The following PTPRZ1 variants were observed in gnomAD, a reference collection of about 807,000 sequenced individuals.
PTPRZ1 encodes the protein protein tyrosine phosphatase receptor type Z1.
A neutral mutation model predicts 214.1 loss-of-function variants in PTPRZ1; 82 were observed. The observed-to-expected ratio is 0.38, with a 90% CI of 0.32 to 0.46. The LOEUF is 0.46. PTPRZ1 is among the 20% of genes least tolerant of loss of function. PTPRZ1 has a pLI of 1.00. For synonymous variants in PTPRZ1, 945 were observed against 987.9 expected, an observed-to-expected ratio of 0.96 and a Z score of 0.81; for missense variants, 2,603 against 2,748.7, an observed-to-expected ratio of 0.95 and a Z score of 1.19.
chr7:122,013,241 A>G lies in PTPRZ1; in HGVS notation c.4195A>G (p.Thr1399Ala). 6.2e-7 allele frequency: 1 copy of G among 1,614,104 alleles called. No individual in the cohort carries two copies. Among genetic ancestry groups the G allele is most frequent in the Non-Finnish European group, 8.5e-7 (1 of 1,180,006 alleles). Residue 1399 changes from threonine (T) to alanine (A), a missense_variant, in exon 12 of 30, where the codon ACT (threonine) becomes GCT (alanine). Coordinates refer to ENST00000393386, the MANE Select transcript of PTPRZ1 (RefSeq NM_002851.3). ...STKLLFPSKA[T>A]SELSHSAKSD... is the part of the protein sequence containing the mutation. ...AAAGTTGCTGTTTCCTTCTAAGGCA[A>G]CTTCTGAGCTGAGTCATAGTGCCAA...
At position 122,034,362 on chromosome 7, in the gene PTPRZ1, C is replaced by T. The variant is rs1484426400; in HGVS notation, c.5268C>T (p.Tyr1756=). The change falls in exon 17 of 30, where the codon TAC becomes TAT. Residue 1756 remains tyrosine (Y), a synonymous_variant. Coordinates refer to ENST00000393386, the MANE Select transcript of PTPRZ1 (RefSeq NM_002851.3). ...NHPDNKHKNR[Y]INIVAYDHSR... is the part of the protein sequence containing the mutation. ...CAGACAACAAGCACAAGAATCGATA[C>T]ATAAATATCGTTGCCTGTAAGTATA... 2 of 1,612,586 alleles carry T rather than the reference C, an allele frequency of 1.2e-6. No homozygotes were observed. Among genetic ancestry groups the T allele is most frequent in the African/African-American group, 1.3e-5 (1 of 74,862 alleles).
intron 10 of PTPRZ1, among the ~76,000 whole-genome samples, chr7:121,999,361 T>C (rs1313510513): frequency 6.6e-6 from 1 of 152,192 alleles, no homozygotes; most frequent in African/African-American, 2.4e-5. Context: ...ATTTTAACTA[T>C]GCCATATCAC....
In PTPRZ1 at chr7:122,036,602, G is replaced by A; in HGVS notation, c.5287G>A (p.Asp1763Asn). Residue 1763 changes from aspartate (D) to asparagine (N), a missense_variant and splice_region_variant, in exon 18 of 30, where the codon GAT becomes AAT. Asp to Asn is a conservative substitution (Grantham distance 23). Transcript: ENST00000393386. ...AATATATTCTCTTTATATTACAGATGATCATAGCAGGGTTAAGCTAGCACA... is the reference window on the plus strand; with the variant it reads ...AATATATTCTCTTTATATTACAGATAATCATAGCAGGGTTAAGCTAGCACA... Reference protein sequence around the residue: ...KNRYINIVAYDHSRVKLAQLA... With the variant: ...KNRYINIVAYNHSRVKLAQLA... The A allele has an allele frequency of 6.3e-7, 1 of 1,589,554 alleles. No individual in the cohort carries two copies. Among genetic ancestry groups the A allele is most frequent in the Admixed American group, 1.7e-5 (1 of 59,850 alleles).
intron 21 of PTPRZ1, among the ~76,000 whole-genome samples, chr7:122,041,500 A>G (rs766951642): frequency 6.8e-6 from 1 of 148,052 alleles, no homozygotes; most frequent in Non-Finnish European, 1.5e-5. Flanking sequence ...TTAATACATT[A>G]CATTGAATGT....
intron 2 of PTPRZ1, among the ~76,000 whole-genome samples, chr7:121,930,464 G>A (rs1489177495): frequency 6.6e-6 from 1 of 152,004 alleles, no homozygotes; most frequent in African/African-American, 2.4e-5. Context: ...CAGAAAACAT[G>A]AAGTTTAATC....
intron 8 of PTPRZ1, among the ~76,000 whole-genome samples, chr7:121,985,977 A>G (rs1168945482): frequency 6.6e-6 from 1 of 152,242 alleles, no homozygotes; most frequent in African/African-American, 2.4e-5. Flanking sequence ...GCATGGCTGA[A>G]AGACTCCATT....
intron 8 of PTPRZ1, among the ~76,000 whole-genome samples, chr7:121,986,281 C>T (rs1372089264): frequency 6.6e-6 from 1 of 152,162 alleles, no homozygotes; most frequent in Non-Finnish European, 1.5e-5. Flanking sequence ...ATGGCTTGCC[C>T]AAGTTTACAC....
intron 1 of PTPRZ1, among the ~76,000 whole-genome samples, chr7:121,910,989 C>T (rs537060821): frequency 6.9e-4 from 105 of 152,076 alleles, no homozygotes; most frequent in Non-Finnish European, 1.4e-3. Flanking sequence ...TTCTAGACAT[C>T]GAATAAAAAT....
At chr7:122,051,318 GTATCT>G in intron 23 of PTPRZ1, 105 bp from the exon 24 acceptor site, 3 of 609,706 alleles carry the variant, frequency 4.9e-6, no homozygotes, top group Non-Finnish European at 5.4e-6. Context: ...TTTTTAGTCA[GTATCT>G]TATCTTGATT....
At chr7:122,043,578 A>T (rs1347979044) in intron 22 of PTPRZ1, among the ~76,000 whole-genome samples, 2 of 152,190 alleles carry the variant, frequency 1.3e-5, no homozygotes, top group Non-Finnish European at 2.9e-5. Flanking sequence ...AATCAGAAAC[A>T]CATGGCTGAG....
intron 12 of PTPRZ1, among the ~76,000 whole-genome samples, chr7:122,017,620 G>A (rs1298795158): frequency 6.6e-6 from 1 of 151,472 alleles, no homozygotes; most frequent in African/African-American, 2.4e-5. Flanking sequence ...GTAGTGCAGT[G>A]GCGTGATCTC....
At chr7:122,004,232 C>A (rs962897810) in intron 10 of PTPRZ1, among the ~76,000 whole-genome samples, 3 of 152,104 alleles carry the variant, frequency 2.0e-5, no homozygotes, top group South Asian at 2.1e-4. Context: ...TTTTATCAGC[C>A]CTGCTAAGGA....
In PTPRZ1 at chr7:122,013,385, T is replaced by A; in HGVS notation, c.4339T>A (p.Ser1447Thr). 6.2e-7 allele frequency: 1 copy of A among 1,614,176 alleles called. No individual in the cohort carries two copies. Among genetic ancestry groups the A allele is most frequent in the Non-Finnish European group, 8.5e-7 (1 of 1,180,046 alleles). Residue 1447 changes from serine to threonine, a missense_variant, in exon 12 of 30, where the codon TCC becomes ACC. Around this residue, in one of 6 missense-constraint regions of PTPRZ1, gnomAD observed 1,913 missense variants for 1,914.3 expected, o/e 1.00. Coordinates refer to ENST00000393386, the MANE Select transcript of PTPRZ1 (RefSeq NM_002851.3). ...CATTCATAAGTGTATGTCATGCTCA[T>A]CCTATAGAGAATCACAGGAAAAGGT... ...LSIHKCMSCS[S>T]YRESQEKVMN...
At chr7:121,915,733 T>TAATGA (rs1453725026) in intron 1 of PTPRZ1, among the ~76,000 whole-genome samples, 1 of 152,164 alleles carries the variant, frequency 6.6e-6, no homozygotes, top group African/African-American at 2.4e-5. Context: ...TATTTGCCAT[T>TAATGA]AATGAAATTA....
At chr7:122,004,840 T>A (rs1197273729) in intron 11 of PTPRZ1, among the ~76,000 whole-genome samples, 180 bp downstream of exon 11, 1 of 152,022 alleles carries the variant, frequency 6.6e-6, no homozygotes, top group African/African-American at 2.4e-5. Context: ...GATTCTCTTA[T>A]GAAGAAGTTG....
intron 1 of PTPRZ1, among the ~76,000 whole-genome samples, chr7:121,916,041 C>T (rs1003518856): frequency 6.6e-6 from 1 of 151,888 alleles, no homozygotes; most frequent in Non-Finnish European, 1.5e-5. Context: ...TTTGGGAGGC[C>T]GAGGCGGGCA....
intron 1 of PTPRZ1, among the ~76,000 whole-genome samples, chr7:121,901,149 T>C (rs1472807303): frequency 2.6e-5 from 4 of 152,174 alleles, no homozygotes; most frequent in Non-Finnish European, 4.4e-5. Context: ...TGAGTGATTC[T>C]TTGTTGAGAA....
rs1353817037 is a variant in PTPRZ1 at position 122,053,984 on chromosome 7, G to A, written c.6327G>A (p.Met2109Ile). Residue 2109 changes from methionine to isoleucine, a missense_variant, in exon 26 of 30, where the codon ATG becomes ATA. Around this residue, in one of 6 missense-constraint regions of PTPRZ1, gnomAD observed 134 missense variants for 183.3 expected, o/e 0.73. Transcript: ENST00000393386. ...LLHTIKDFWR[M>I]IWDHNAQLVV... Reference sequence around the variant, plus strand: ...ATACCATCAAGGATTTCTGGAGGATGATATGGGACCATAATGCCCAACTGG... The same window carrying A: ...ATACCATCAAGGATTTCTGGAGGATAATATGGGACCATAATGCCCAACTGG... 1 of 1,613,218 alleles carries A rather than the reference G, an allele frequency of 6.2e-7. No individual in the cohort carries two copies.
intron 12 of PTPRZ1, among the ~76,000 whole-genome samples, chr7:122,018,820 ACTT>A (rs1222407950): frequency 6.6e-6 from 1 of 152,188 alleles, no homozygotes; most frequent in African/African-American, 2.4e-5. Context: ...AAATTACACT[ACTT>A]TGATTTTTCT....
Sources: allele counts gnomAD v4.1 joint callset (sites outside exome capture counted in the v4.1 genomes callset), GRCh38; gene constraint gnomAD v4.1.1; regional missense constraint gnomAD v4.1.1; transcripts MANE v1.5; gene names NCBI Gene and HGNC (gene_info 2026-07-23, HGNC 2026-07-21).